The following ADCY1 variants were observed in gnomAD, a reference collection of about 807,000 sequenced individuals.
ADCY1 encodes the protein adenylate cyclase type 1.
A neutral mutation model predicts 105.4 loss-of-function variants in ADCY1; 28 were observed. That is an observed-to-expected ratio of 0.27 (90% CI 0.20 to 0.36). The LOEUF (loss-of-function observed/expected upper bound fraction) is 0.36. Ranked by LOEUF, ADCY1 falls within the 10% of genes least tolerant of loss-of-function variation. The probability of loss-of-function intolerance (pLI) is 1.00; values close to 1 mark genes in which losing one functional copy is unlikely to be tolerated. For missense variants in ADCY1, 977 were observed against 1,434.2 expected, an observed-to-expected ratio of 0.68 and a Z score of 5.15; for synonymous variants, 655 against 623.8, an observed-to-expected ratio of 1.05 and a Z score of -0.75.
intron 14 of ADCY1, among the ~76,000 whole-genome samples, chr7:45,695,233 G>T (rs1184549944): frequency 6.6e-6 from 1 of 152,158 alleles, no homozygotes; most frequent in Non-Finnish European, 1.5e-5. Flanking sequence ...ATTTTGTGTG[G>T]TCTGCTTGTT....
At chr7:45,610,243 G>A (rs1793495321) in intron 2 of ADCY1, 136 bp from the exon 3 acceptor site, 2 of 712,036 alleles carry the variant, frequency 2.8e-6, no homozygotes, top group Non-Finnish European at 4.8e-6. Flanking sequence ...GGAGTTGCTT[G>A]TTCAGTGGCA....
intron 4 of ADCY1, among the ~76,000 whole-genome samples, chr7:45,631,525 A>G (rs889182335): frequency 2.6e-5 from 4 of 152,254 alleles, no homozygotes; most frequent in Admixed American, 6.5e-5. Flanking sequence ...AGCACATACT[A>G]TATCACAAGT....
At chr7:45,654,621 C>T (rs1469233657) in intron 5 of ADCY1, among the ~76,000 whole-genome samples, 1 of 152,200 alleles carries the variant, frequency 6.6e-6, no homozygotes, top group African/African-American at 2.4e-5. Flanking sequence ...CCACATGGAG[C>T]ATGCTTCAGT....
At chr7:45,670,371 A>T (rs1784341986) in intron 8 of ADCY1, among the ~76,000 whole-genome samples, 1 of 152,236 alleles carries the variant, frequency 6.6e-6, no homozygotes, top group Non-Finnish European at 1.5e-5. Flanking sequence ...GTAACCCAGG[A>T]CACAGCAGGT....
At position 45,691,720 on chromosome 7, in the gene ADCY1, C is replaced by T. The variant is rs199903673; in HGVS notation, c.2454+5047C>T. ...AACAACTTATTTCTCTACCAATAAACGCTTAATTCGATGGTAATTCCCATT... is the reference window on the plus strand; with the variant it reads ...AACAACTTATTTCTCTACCAATAAATGCTTAATTCGATGGTAATTCCCATT... On this transcript the variant is annotated intron_variant, in intron 14 of 19. Transcript: ENST00000297323. Among the ~76,000 whole-genome samples, 42 of 152,308 alleles carry T rather than the reference C, an allele frequency of 2.8e-4. No homozygotes were observed. In the East Asian group the frequency reaches 5.2e-3, roughly 19 times the overall value.
At chr7:45,612,565 T>TTG (rs1016864671) in intron 3 of ADCY1, among the ~76,000 whole-genome samples, 38 of 152,228 alleles carry the variant, frequency 2.5e-4, no homozygotes, top group African/African-American at 8.4e-4. Context: ...AGCCAGAGCC[T>TTG]CTCCATACTG....
intron 1 of ADCY1, among the ~76,000 whole-genome samples, chr7:45,578,216 C>A (rs773874157): frequency 1.3e-5 from 2 of 152,126 alleles, no homozygotes; most frequent in Non-Finnish European, 2.9e-5. Flanking sequence ...CTTAGCTCCT[C>A]CCCCGGAGAA....
At chr7:45,626,655 G>A (rs537745542) in intron 4 of ADCY1, among the ~76,000 whole-genome samples, 74 of 152,362 alleles carry the variant, frequency 4.9e-4, no homozygotes, top group African/African-American at 1.7e-3. Flanking sequence ...CAACTCTGGT[G>A]TAAATTGGCT....
chr7:45,662,310 A>C (rs1795127166), intron 8 of ADCY1, 96 bp downstream of exon 8: 2 of 1,341,994 alleles, frequency 1.5e-6, no homozygotes, highest in Non-Finnish European at 2.0e-6. Context: ...TGGCTAGATC[A>C]GAATTCCCTG....
intron 19 of ADCY1, among the ~76,000 whole-genome samples, chr7:45,711,626 T>TAC (rs1673011649): frequency 2.8e-5 from 1 of 35,870 alleles, no homozygotes; most frequent in Non-Finnish European, 8.3e-5. Flanking sequence ...TATATATATA[T>TAC]ATATATATAT....
intron 1 of ADCY1, among the ~76,000 whole-genome samples, chr7:45,583,937 GTTTTTTTTTTT>G (rs869216986): frequency 1.1e-4 from 6 of 56,900 alleles, no homozygotes; most frequent in Admixed American, 4.0e-4. Flanking sequence ...ACTGTGCCCT[GTTTTTTTTTTT>G]TTTTTTTTTT....
chr7:45,577,003 G>A (rs1792369231), intron 1 of ADCY1, among the ~76,000 whole-genome samples: 1 of 152,222 alleles, frequency 6.6e-6, no homozygotes, highest in Non-Finnish European at 1.5e-5. Context: ...AGAGAGGGGA[G>A]AGTCTATAAA....
At chr7:45,667,627 C>T (rs560415477) in intron 8 of ADCY1, among the ~76,000 whole-genome samples, 1 of 152,198 alleles carries the variant, frequency 6.6e-6, no homozygotes, top group Admixed American at 6.5e-5. Flanking sequence ...TTTTTGGTTC[C>T]ATATGAACTT....
At chr7:45,596,379 G>GT (rs1228057485) in intron 2 of ADCY1, among the ~76,000 whole-genome samples, 1 of 152,048 alleles carries the variant, frequency 6.6e-6, no homozygotes, top group Non-Finnish European at 1.5e-5. Flanking sequence ...ACCTGATTCT[G>GT]TGGGGGGATC....
At chr7:45,576,669 G>A (rs1416800606) in intron 1 of ADCY1, among the ~76,000 whole-genome samples, 1 of 152,076 alleles carries the variant, frequency 6.6e-6, no homozygotes, top group Non-Finnish European at 1.5e-5. Flanking sequence ...CAGTCTCAGG[G>A]GGCATTCCTG....
At chr7:45,697,669 C>A (rs758518084) in intron 14 of ADCY1, among the ~76,000 whole-genome samples, 1 of 152,206 alleles carries the variant, frequency 6.6e-6, no homozygotes, top group African/African-American at 2.4e-5. Context: ...GGATTACAGG[C>A]GTAAGCCACT....
At chr7:45,593,889 C>T (rs2115784589) in intron 2 of ADCY1, among the ~76,000 whole-genome samples, 1 of 152,310 alleles carries the variant, frequency 6.6e-6, no homozygotes, top group East Asian at 1.9e-4. Flanking sequence ...GTGGTGTGTG[C>T]ATTGCCGTCT....
chr7:45,637,900 C>T (rs1794435193), intron 4 of ADCY1, among the ~76,000 whole-genome samples: 1 of 152,200 alleles, frequency 6.6e-6, no homozygotes, highest in Non-Finnish European at 1.5e-5. Flanking sequence ...TTCTTCAGAA[C>T]TTTAAAGATG....
rs1256678467 is a variant in ADCY1, at chr7:45,703,777, C to T, written c.2718+31C>T. On this transcript the variant is annotated intron_variant, in intron 16 of 19. Transcript: ENST00000297323. This position sits in a 1 kb window ranked among gnomAD's most constrained non-coding sequence, Gnocchi z 5.9. ...GCTGTGCGTCGCCATCCTGACCCCG[C>T]CTGGTTGTGGTGGTGCATCCTGTTG... 1.3e-6 allele frequency: 2 copies of T among 1,544,042 alleles called. No homozygotes were observed. Among genetic ancestry groups the T allele is most frequent in the Non-Finnish European group, 1.8e-6 (2 of 1,142,098 alleles).
Sources: allele counts gnomAD v4.1 joint callset (sites outside exome capture counted in the v4.1 genomes callset), GRCh38; gene constraint gnomAD v4.1.1; non-coding constraint Gnocchi (gnomAD v3.1); transcripts MANE v1.5; gene names NCBI Gene and HGNC (gene_info 2026-07-23, HGNC 2026-07-21).